The following CEP164 variants were observed in gnomAD, a reference collection of about 807,000 sequenced individuals.
CEP164 encodes centrosomal protein of 164 kDa.
CEP164 carries 162 observed loss-of-function variants against 182.7 expected under a neutral mutation model. That is an observed-to-expected ratio of 0.89 (90% CI 0.78 to 1.01). The LOEUF (loss-of-function observed/expected upper bound fraction) is 1.01, where lower values mean the gene tolerates loss of function less well. Among genes scored for constraint, CEP164 ranks in the 50% least tolerant of loss-of-function variants. CEP164 has a pLI of 0.00. For synonymous variants in CEP164, 661 were observed against 690.0 expected, an observed-to-expected ratio of 0.96 and a Z score of 0.66; for missense variants, 1,735 against 1,790.4, an observed-to-expected ratio of 0.97 and a Z score of 0.56.
chr11:117,340,703 T>A (rs533842439), intron 3 of CEP164, among the ~76,000 whole-genome samples: 18 of 152,272 alleles, frequency 1.2e-4, no homozygotes, highest in Non-Finnish European at 2.4e-4. Context: ...ATAAATTTTT[T>A]TGTAGGGATA....
In CEP164 at chr11:117,338,648, C is replaced by T; in HGVS notation, c.62C>T (p.Thr21Ile). 1 of 1,613,744 alleles carries T rather than the reference C, an allele frequency of 6.2e-7. No homozygotes were observed. Among genetic ancestry groups the T allele is most frequent in the Non-Finnish European group, 8.5e-7 (1 of 1,179,662 alleles). ...QLVLEEDYDE[T>I]YIPSEQEILE... is the part of the protein sequence containing the mutation. ...GTTCTGGAAGAAGATTATGATGAGA[C>T]CTACATTCCTAGTGAGCAAGGTAAC... The change falls in exon 3 of 33, where the codon ACC (threonine) becomes ATC (isoleucine). Residue 21 changes from threonine to isoleucine, a missense_variant. Transcript: ENST00000278935.
At position 117,395,172 on chromosome 11, in the gene CEP164, A is replaced by C. The variant is rs780354744; in HGVS notation, c.2894A>C (p.Gln965Pro). ...CAGCAGCTGCTTGATGTGCAGAGGC[A>C]GGTTGCTCTGAAGAGTGAGGTTTGT... ...EKQQLLDVQR[Q>P]VALKSEEATA... Residue 965 changes from glutamine (Q) to proline (P), a missense_variant, in exon 23 of 33, where the codon CAG becomes CCG. Physicochemically the swap from Gln to Pro is moderately conservative, Grantham distance 76. Coordinates refer to ENST00000278935, the MANE Select transcript of CEP164 (RefSeq NM_014956.5). 7.4e-6 allele frequency: 12 copies of C among 1,613,964 alleles called. No homozygotes were observed. The East Asian group carries it at 2.7e-4, about 36-fold the overall frequency.
At chr11:117,402,456 T>C (rs2046257316) in intron 27 of CEP164, among the ~76,000 whole-genome samples, 1 of 152,148 alleles carries the variant, frequency 6.6e-6, no homozygotes, top group Admixed American at 6.5e-5. Flanking sequence ...CCTGACCTCA[T>C]GATCCTCCTG....
At chr11:117,362,564 C>A (rs2041119133) in intron 7 of CEP164, 26 bp downstream of exon 7, 1 of 1,605,146 alleles carries the variant, frequency 6.2e-7, no homozygotes, top group Non-Finnish European at 8.5e-7. Flanking sequence ...TCTCCCTGGC[C>A]TGGAAACCCT....
chr11:117,394,797 G>T lies in CEP164; in HGVS notation c.2761-123G>T. 1 of 1,044,862 alleles carries T rather than the reference G, an allele frequency of 9.6e-7. No individual in the cohort carries two copies. Among genetic ancestry groups the T allele is most frequent in the Non-Finnish European group, 1.4e-6 (1 of 693,322 alleles). 64.7% of individuals were successfully genotyped at this position (1,044,862 alleles called of 1,614,324 possible). A position where few individuals can be genotyped will look rare whatever the true frequency, so the allele number is the denominator to read the frequency against. On this transcript the variant is annotated intron_variant, in intron 21 of 32. Coordinates refer to ENST00000278935, the MANE Select transcript of CEP164 (RefSeq NM_014956.5). This position sits in a 1 kb window ranked among gnomAD's most constrained non-coding sequence, Gnocchi z 4.0. ...TCCTGGGAGGCTGCAGGGGCACACA[G>T]CGAGGAAGCCTGAGCCCAGAGTGGA...
intron 8 of CEP164, among the ~76,000 whole-genome samples, chr11:117,368,626 G>A (rs1024955834): frequency 6.6e-6 from 1 of 152,168 alleles, no homozygotes; most frequent in African/African-American, 2.4e-5. Flanking sequence ...GCCGAGTGAG[G>A]GGGTGTGGTT....
chr11:117,395,411 A>C, intron 23 of CEP164, 136 bp from the exon 24 acceptor site: 1 of 1,085,878 alleles, frequency 9.2e-7, no homozygotes, highest in Non-Finnish European at 1.3e-6. Context: ...TCTTGACCTC[A>C]GAGGTGGTGA....
intron 4 of CEP164, among the ~76,000 whole-genome samples, chr11:117,346,411 A>G (rs532900140): frequency 1.3e-5 from 2 of 151,924 alleles, no homozygotes; most frequent in Non-Finnish European, 2.9e-5. Flanking sequence ...TGTGTGTGCC[A>G]CCACGCCGGG....
rs151015120 is a variant in CEP164, at chr11:117,401,214, C to T, written c.3501+3901C>T. Among the ~76,000 whole-genome samples, 1,153 of 152,194 alleles carry T rather than the reference C, an allele frequency of 7.6e-3. 16 individuals are homozygous for T. The highest frequency in any genetic ancestry group is 0.026 in the African/African-American group (1,091 of 41,516). ...AGCATGAAGGGGTGTCAAATTTTAT[C>T]GAAGGCCTTTTCTGCATCTGTTGAG... is the stretch of plus-strand genomic sequence containing the variant. On this transcript the variant is annotated intron_variant, in intron 27 of 32. Transcript: ENST00000278935.
In CEP164 at chr11:117,397,176, C is replaced by T. The variant is rs149875085; in HGVS notation, c.3364C>T (p.Arg1122Cys). The change falls in exon 27 of 33, where the codon CGC becomes TGC. Residue 1122 changes from arginine (R) to cysteine (C), a missense_variant. By Grantham distance (180) the Arg-to-Cys change is radical. Coordinates refer to ENST00000278935, the MANE Select transcript of CEP164 (RefSeq NM_014956.5). ...CAAGGAGTTCCTTGTGCAGCAGACA[C>T]GCTCCATGCGGAGGCGGCAGACAGC... ...SAKEFLVQQT[R>C]SMRRRQTALK... 7.4e-4 allele frequency: 1,195 copies of T among 1,614,146 alleles called. 9 individuals carry two copies. The South Asian group carries it at 0.012, about 16-fold the overall frequency.
chr11:117,394,522 C>A lies in CEP164; in HGVS notation c.2760+29C>A. 1 of 1,611,160 alleles carries A rather than the reference C, an allele frequency of 6.2e-7. No individual in the cohort carries two copies. Among genetic ancestry groups the A allele is most frequent in the Non-Finnish European group, 8.5e-7 (1 of 1,179,270 alleles). ...AGGGGCCTGGGGCAGGGTGAGCCCA[C>A]TGTGACCCCTCCATGCACAGTAGGA... On this transcript the variant is annotated intron_variant, in intron 21 of 32. Coordinates refer to ENST00000278935, the MANE Select transcript of CEP164 (RefSeq NM_014956.5). The surrounding 1 kb of genome is among the most constrained non-coding windows in gnomAD (Gnocchi z 4.0).
intron 28 of CEP164, 82 bp downstream of exon 28, chr11:117,408,114 G>A (rs969410823): frequency 6.6e-6 from 7 of 1,055,562 alleles, no homozygotes; most frequent in Non-Finnish European, 9.8e-6. Context: ...CTTTGGTCCT[G>A]CATCCGGGGG....
chr11:117,404,362 G>A lies in CEP164; in HGVS notation c.3502-3563G>A, dbSNP rs571812210. Among the ~76,000 whole-genome samples the A allele has an allele frequency of 2.9e-4, 44 of 152,302 alleles. No individual in the cohort carries two copies. The South Asian group carries it at 7.7e-3, about 27-fold the overall frequency. On this transcript the variant is annotated intron_variant, in intron 27 of 32. Coordinates refer to ENST00000278935, the MANE Select transcript of CEP164 (RefSeq NM_014956.5). ...TTGTGTGGATGTTCTTTTTGTTGAC[G>A]TTGATGCTATTCCTTTCTGTTTGTT... is the stretch of plus-strand genomic sequence containing the variant.
intron 11 of CEP164, among the ~76,000 whole-genome samples, chr11:117,379,153 C>T (rs369932265): frequency 9.2e-5 from 14 of 152,318 alleles, no homozygotes; most frequent in Admixed American, 6.5e-4. Flanking sequence ...AGGCTCTGCC[C>T]GTGCTGATGT....
chr11:117,347,657 C>T (rs1293855855), intron 4 of CEP164, among the ~76,000 whole-genome samples: 1 of 151,534 alleles, frequency 6.6e-6, no homozygotes, highest in Admixed American at 6.6e-5. Context: ...TTGCAGTGAG[C>T]CGAGATCGTG....
chr11:117,356,522 C>T, intron 5 of CEP164: 5 of 1,289,132 alleles, frequency 3.9e-6, no homozygotes, highest in Non-Finnish European at 5.1e-6. Flanking sequence ...AGCCCATTTC[C>T]AGCCAAGCAG....
intron 9 of CEP164, among the ~76,000 whole-genome samples, chr11:117,373,091 G>A (rs558743969): frequency 1.3e-4 from 20 of 152,174 alleles, no homozygotes; most frequent in African/African-American, 4.8e-4. Context: ...TTTATCGGCC[G>A]GGCACGGTGG....
chr11:117,391,157 C>T lies in CEP164; in HGVS notation c.2225C>T (p.Ala742Val). Residue 742 changes from alanine (A) to valine (V), a missense_variant, in exon 17 of 33, where the codon GCT becomes GTT. Coordinates refer to ENST00000278935, the MANE Select transcript of CEP164 (RefSeq NM_014956.5). Reference protein sequence around the residue: ...SEKSEQAALNAAKEKALQQLR... With the variant: ...SEKSEQAALNVAKEKALQQLR... ...AAGAGCGAGCAGGCTGCCCTGAATG[C>T]TGCAAAGGAGAAGGCTCTGCAGCAG... The T allele has an allele frequency of 6.2e-7, 1 of 1,613,482 alleles. No homozygotes were observed. Among genetic ancestry groups the T allele is most frequent in the East Asian group, 2.2e-5 (1 of 44,836 alleles).
In CEP164 at chr11:117,352,735, C is replaced by T. The variant is rs553198584; in HGVS notation, c.393+747C>T. ...CTGAGTAGTTGGGATTACAGGCATC[C>T]GCCACCACGCCTGGCTAATTTTTGT... On this transcript the variant is annotated intron_variant, in intron 5 of 32. Coordinates refer to ENST00000278935, the MANE Select transcript of CEP164 (RefSeq NM_014956.5). 8.8e-4 allele frequency among the ~76,000 whole-genome samples: 134 copies of T among 152,156 alleles called. 1 individual carries two copies. The highest frequency in any genetic ancestry group is 3.1e-3 in the African/African-American group (127 of 41,520).
Sources: allele counts gnomAD v4.1 joint callset (sites outside exome capture counted in the v4.1 genomes callset), GRCh38; gene constraint gnomAD v4.1.1; non-coding constraint Gnocchi (gnomAD v3.1); transcripts MANE v1.5; gene names NCBI Gene and HGNC (gene_info 2026-07-23, HGNC 2026-07-21).